Variants in CFAP299 observed in about 807,000 individuals in gnomAD.
CFAP299 encodes cilia- and flagella-associated protein 299.
Under a neutral mutation model 27.0 loss-of-function variants are expected in CFAP299, and 21 were observed. The observed-to-expected ratio is 0.78, with a 90% CI of 0.55 to 1.12. CFAP299 has a LOEUF of 1.12. Among genes scored for constraint, CFAP299 ranks in the 50% most tolerant of loss-of-function variants. CFAP299 has a pLI of 0.00. For missense variants in CFAP299, 310 were observed against 276.6 expected, an observed-to-expected ratio of 1.12 and a Z score of -0.86; for synonymous variants, 104 against 98.1, an observed-to-expected ratio of 1.06 and a Z score of -0.36.
intron 3 of CFAP299, among the ~76,000 whole-genome samples, chr4:80,591,120 T>TTTATTTTTTTTTA (rs1736741730): frequency 7.5e-6 from 1 of 133,078 alleles, no homozygotes; most frequent in African/African-American, 2.8e-5. Flanking sequence ...TTTTTTTTTT[T>TTTATTTTTTTTTA]TTTTTTTTTT....
At chr4:80,865,905 A>G (rs1347509557) in intron 3 of CFAP299, among the ~76,000 whole-genome samples, 1 of 80,514 alleles carries the variant, frequency 1.2e-5, no homozygotes, top group Non-Finnish European at 2.3e-5. Context: ...AACATCACAC[A>G]CCAGGGTCTG....
chr4:80,387,046 T>A (rs1725049274), intron 2 of CFAP299: 2 of 1,386,028 alleles, frequency 1.4e-6, no homozygotes, highest in Non-Finnish European at 2.1e-6. Flanking sequence ...GGAAACACCT[T>A]CTAGCAGTGT....
chr4:80,639,549 A>T (rs1031270849), intron 3 of CFAP299, among the ~76,000 whole-genome samples: 1 of 152,226 alleles, frequency 6.6e-6, no homozygotes, highest in Non-Finnish European at 1.5e-5. Flanking sequence ...TTTGAGAAAA[A>T]GGACAAGTGT....
chr4:80,436,210 A>C (rs1013313901), intron 2 of CFAP299, among the ~76,000 whole-genome samples: 1 of 152,074 alleles, frequency 6.6e-6, no homozygotes, highest in Non-Finnish European at 1.5e-5. Flanking sequence ...AAGTTGTCTT[A>C]CTTCCCTTAA....
chr4:80,784,020 C>G (rs1224564892), intron 3 of CFAP299, among the ~76,000 whole-genome samples: 1 of 151,976 alleles, frequency 6.6e-6, no homozygotes, highest in Non-Finnish European at 1.5e-5. Context: ...GCTTATTTCA[C>G]TTTGCATAAA....
chr4:80,736,387 G>A (rs1723873445), intron 3 of CFAP299, among the ~76,000 whole-genome samples: 1 of 151,622 alleles, frequency 6.6e-6, no homozygotes, highest in Admixed American at 6.6e-5. Context: ...AGATCAGATA[G>A]TTGTAGATAT....
chr4:80,563,062 T>C (rs1026781716), intron 2 of CFAP299, among the ~76,000 whole-genome samples: 1 of 151,992 alleles, frequency 6.6e-6, no homozygotes, highest in Non-Finnish European at 1.5e-5. Flanking sequence ...GGAAATAATA[T>C]TAGACTAAAG....
At chr4:80,916,954 C>G (rs1735795036) in intron 4 of CFAP299, among the ~76,000 whole-genome samples, 1 of 151,638 alleles carries the variant, frequency 6.6e-6, no homozygotes, top group Admixed American at 6.6e-5. Flanking sequence ...CTAGGAGTTA[C>G]TCAATAGAGG....
At chr4:80,910,252 C>T (rs1735400363) in intron 4 of CFAP299, among the ~76,000 whole-genome samples, 1 of 152,074 alleles carries the variant, frequency 6.6e-6, no homozygotes, top group South Asian at 2.1e-4. Flanking sequence ...TTAGTTCAAC[C>T]ATTGTGGAAA....
chr4:80,890,986 G>C (rs570537935), intron 4 of CFAP299, among the ~76,000 whole-genome samples: 110 of 152,012 alleles, frequency 7.2e-4, no homozygotes, highest in African/African-American at 2.5e-3. Flanking sequence ...AGTAGGTTGC[G>C]AAAATTCTCT....
intron 3 of CFAP299, among the ~76,000 whole-genome samples, chr4:80,588,788 T>C (rs1261088511): frequency 6.6e-6 from 1 of 152,212 alleles, no homozygotes; most frequent in Non-Finnish European, 1.5e-5. Context: ...AGCTAACATA[T>C]ATTAAAAGCT....
At chr4:80,558,357 TGTTTGTTTG>T (rs1734879694) in intron 2 of CFAP299, among the ~76,000 whole-genome samples, 2 of 139,662 alleles carry the variant, frequency 1.4e-5, no homozygotes, top group Admixed American at 7.0e-5. Context: ...TTTGTTTGTT[TGTTTGTTTG>T]TTTTTTTTTT....
chr4:80,640,917 G>A (rs1233700671), intron 3 of CFAP299, among the ~76,000 whole-genome samples: 1 of 152,130 alleles, frequency 6.6e-6, no homozygotes, highest in Non-Finnish European at 1.5e-5. Context: ...TTCAGTGTAC[G>A]TGTTAAGGTA....
intron 3 of CFAP299, among the ~76,000 whole-genome samples, chr4:80,718,380 A>AAAGG (rs1722613704): frequency 6.6e-6 from 1 of 152,056 alleles, no homozygotes; most frequent in East Asian, 1.9e-4. Flanking sequence ...GAAGTAGGAG[A>AAAGG]AAGGATCTCT....
intron 2 of CFAP299, among the ~76,000 whole-genome samples, chr4:80,468,836 A>T (rs1280563456): frequency 1.0e-5 from 1 of 100,266 alleles, no homozygotes; most frequent in Non-Finnish European, 2.3e-5. Context: ...TCTGTCTCAA[A>T]AAAAAAAAAA....
intron 2 of CFAP299, among the ~76,000 whole-genome samples, chr4:80,517,069 T>C (rs148499368): frequency 6.6e-6 from 1 of 152,292 alleles, no homozygotes; most frequent in African/African-American, 2.4e-5. Flanking sequence ...CAGATGAGCT[T>C]CCATTGGATT....
At chr4:80,590,864 A>G (rs1736700197) in intron 3 of CFAP299, among the ~76,000 whole-genome samples, 1 of 152,090 alleles carries the variant, frequency 6.6e-6, no homozygotes, top group South Asian at 2.1e-4. Flanking sequence ...AGGAGGGAGA[A>G]GAGTAGGATT....
intron 3 of CFAP299, among the ~76,000 whole-genome samples, chr4:80,814,498 T>C (rs942521525): frequency 3.3e-5 from 5 of 151,956 alleles, no homozygotes; most frequent in Non-Finnish European, 7.4e-5. Context: ...ACACATTCCA[T>C]AGAAAAATAT....
At position 80,759,314 on chromosome 4, in the gene CFAP299, A is replaced by G. The variant is rs575357944; in HGVS notation, c.334-110679A>G. On this transcript the variant is annotated intron_variant, in intron 3 of 5. Transcript: ENST00000358105. ...GATACAGAATGTGTACAATAACTAC[A>G]TGGCAAAATGTATATTAGGTAAGGT... 4.6e-5 allele frequency among the ~76,000 whole-genome samples: 7 copies of G among 152,300 alleles called. No individual in the cohort carries two copies. The East Asian group carries it at 9.6e-4, about 21-fold the overall frequency.
Sources: allele counts gnomAD v4.1 joint callset (sites outside exome capture counted in the v4.1 genomes callset), GRCh38; gene constraint gnomAD v4.1.1; transcripts MANE v1.5; gene names NCBI Gene and HGNC (gene_info 2026-07-23, HGNC 2026-07-21).